The following FAM13A variants were observed in gnomAD, a reference collection of about 807,000 sequenced individuals.
FAM13A encodes protein FAM13A.
Under a neutral mutation model 129.6 loss-of-function variants are expected in FAM13A, and 76 were observed. That is an observed-to-expected ratio of 0.59 (90% CI 0.49 to 0.71). The LOEUF (loss-of-function observed/expected upper bound fraction) is 0.71, where lower values mean the gene tolerates loss of function less well. FAM13A is among the 30% of genes least tolerant of loss of function. The pLI, the probability that FAM13A is intolerant of heterozygous loss-of-function variation, is 0.00. For synonymous variants in FAM13A, 443 were observed against 449.9 expected, an observed-to-expected ratio of 0.98 and a Z score of 0.20; for missense variants, 1,108 against 1,249.3, an observed-to-expected ratio of 0.89 and a Z score of 1.70.
At chr4:88,799,371 C>A (rs1382774591) in intron 8 of FAM13A, among the ~76,000 whole-genome samples, 1 of 152,140 alleles carries the variant, frequency 6.6e-6, no homozygotes, top group East Asian at 1.9e-4. Context: ...CAAATTGGAA[C>A]TGTGTACTTT....
intron 4 of FAM13A, among the ~76,000 whole-genome samples, chr4:88,963,124 A>G (rs532808960): frequency 2.6e-5 from 4 of 152,078 alleles, no homozygotes; most frequent in Admixed American, 1.3e-4. Context: ...AACTAATGTT[A>G]CTTAAAAAAA....
chr4:88,790,295 T>G (rs1724861193), intron 9 of FAM13A, among the ~76,000 whole-genome samples: 1 of 152,114 alleles, frequency 6.6e-6, no homozygotes, highest in African/African-American at 2.4e-5. Flanking sequence ...CCAAAGTACA[T>G]TAGACTACTT....
chr4:88,838,700 C>T (rs1735267548), intron 7 of FAM13A, among the ~76,000 whole-genome samples: 1 of 150,926 alleles, frequency 6.6e-6, no homozygotes, highest in African/African-American at 2.4e-5. Flanking sequence ...GCACTCCAGC[C>T]TGGGCGACAG....
chr4:88,937,039 T>C (rs1753966691), intron 5 of FAM13A: 1 of 152,114 alleles, frequency 6.6e-6, no homozygotes, highest in Non-Finnish European at 1.5e-5. Flanking sequence ...TATTTTTTCT[T>C]GTGAATCACT....
At chr4:89,054,790 T>A (rs1171686258) in intron 1 of FAM13A, among the ~76,000 whole-genome samples, 1 of 152,192 alleles carries the variant, frequency 6.6e-6, no homozygotes, top group Non-Finnish European at 1.5e-5. Flanking sequence ...AGAGATTGGC[T>A]GGGAGACTTT....
At chr4:88,906,794 T>C (rs1181566422) in intron 5 of FAM13A, among the ~76,000 whole-genome samples, 1 of 152,218 alleles carries the variant, frequency 6.6e-6, no homozygotes, top group Non-Finnish European at 1.5e-5. Context: ...GAGAAGTGAA[T>C]AGTTAAATCT....
At chr4:88,866,654 T>A (rs1042441358) in intron 6 of FAM13A, among the ~76,000 whole-genome samples, 2 of 152,222 alleles carry the variant, frequency 1.3e-5, no homozygotes, top group African/African-American at 4.8e-5. Flanking sequence ...GAACATTTTA[T>A]ATTCCAATCA....
Position 88,952,309 on chromosome 4 carries a change from GT to G in FAM13A, c.606-14069del, listed in dbSNP as rs1311535060. Among the ~76,000 whole-genome samples, 7 of 151,948 alleles carry G rather than the reference GT, an allele frequency of 4.6e-5. No individual in the cohort carries two copies. In the East Asian group the frequency reaches 1.4e-3, roughly 29 times the overall value. ...CTTCACCGAGAGCTCAGCCTGTAAT[GT>G]TACTAAAAATAAAGAAAAACTTGCC... On this transcript the variant is annotated intron_variant, in intron 4 of 23. Transcript: ENST00000264344.
intron 4 of FAM13A, among the ~76,000 whole-genome samples, chr4:88,964,881 G>C (rs1168358341): frequency 6.6e-6 from 1 of 152,068 alleles, no homozygotes; most frequent in Non-Finnish European, 1.5e-5. Context: ...GTCCGCCTCG[G>C]CCTCCCAAAG....
At chr4:89,039,016 T>C (rs1769760453) in intron 1 of FAM13A, among the ~76,000 whole-genome samples, 1 of 152,242 alleles carries the variant, frequency 6.6e-6, no homozygotes, top group South Asian at 2.1e-4. Flanking sequence ...CTTCTCATCA[T>C]GTGCTCCTGA....
Position 88,800,113 on chromosome 4 carries a change from AC to A in FAM13A, c.1049+4897del, listed in dbSNP as rs1299135946. ...ACCCGGAGTAGTCAAATTCTTAAAG[AC>A]AGAGAGTGAAATGGTGGTTGCCAGG... On this transcript the variant is annotated intron_variant, in intron 8 of 23. Transcript: ENST00000264344. Among the ~76,000 whole-genome samples, 7 of 152,310 alleles carry A rather than the reference AC, an allele frequency of 4.6e-5. No individual in the cohort carries two copies. In the South Asian group the frequency reaches 8.3e-4, roughly 18 times the overall value.
intron 5 of FAM13A, among the ~76,000 whole-genome samples, chr4:88,921,386 G>A (rs1416246858): frequency 6.6e-6 from 1 of 152,170 alleles, no homozygotes; most frequent in Non-Finnish European, 1.5e-5. Context: ...AAGAGAGTGA[G>A]GGCCAATATT....
intron 7 of FAM13A, among the ~76,000 whole-genome samples, chr4:88,810,489 A>T (rs1381720445): frequency 4.6e-5 from 7 of 152,298 alleles, no homozygotes. Flanking sequence ...GCACCCAGGC[A>T]GAATATCATG....
chr4:88,933,791 C>A (rs1302584633), intron 5 of FAM13A, among the ~76,000 whole-genome samples: 5 of 152,176 alleles, frequency 3.3e-5, no homozygotes, highest in Non-Finnish European at 4.4e-5. Flanking sequence ...TGCCCTACTT[C>A]TGCCTATCCC....
chr4:88,727,102 C>G lies in FAM13A; in HGVS notation c.*1431G>C, dbSNP rs1025503073. The G allele has an allele frequency of 2.6e-5, 4 of 152,300 alleles. No individual in the cohort carries two copies. Among genetic ancestry groups the G allele is most frequent in the Admixed American group, 1.3e-4 (2 of 15,278 alleles). 9.4% of individuals were successfully genotyped at this position (152,300 alleles called of 1,614,324 possible). On this transcript the variant is annotated 3_prime_UTR_variant, in exon 24 of 24. Transcript: ENST00000264344. ...CTGTGCCCTTTCAGAAGGCAACTTT[C>G]AAAACATACGAGGGTGCCTCTGCTG...
chr4:88,781,369 G>A lies in FAM13A; in HGVS notation c.1272-18C>T. 2 of 1,544,926 alleles carry A rather than the reference G, an allele frequency of 1.3e-6. No homozygotes were observed. Among genetic ancestry groups the A allele is most frequent in the Non-Finnish European group, 1.8e-6 (2 of 1,135,600 alleles). ...TAAGTCCCCTTGAATTGAGAAAAAA[G>A]CTTAATTTTATTTTAAAAGATCAAA... On this transcript the variant is annotated intron_variant, in intron 10 of 23. Coordinates refer to ENST00000264344, the MANE Select transcript of FAM13A (RefSeq NM_014883.4).
chr4:88,738,960 C>T (rs1347309843), intron 20 of FAM13A, 70 bp downstream of exon 20: 1 of 913,962 alleles, frequency 1.1e-6, no homozygotes, highest in East Asian at 2.4e-5. Flanking sequence ...GGTTAGGGCC[C>T]TATTCATATA....
chr4:88,904,100 TA>T (rs1747760199), intron 6 of FAM13A, among the ~76,000 whole-genome samples: 1 of 152,062 alleles, frequency 6.6e-6, no homozygotes, highest in African/African-American at 2.4e-5. Flanking sequence ...TGGCTATTAT[TA>T]AAAAGTCAAG....
At chr4:88,871,981 G>A (rs145714202) in intron 6 of FAM13A, among the ~76,000 whole-genome samples, 2,167 of 152,208 alleles carry the variant, frequency 0.014, 63 homozygotes, top group African/African-American at 0.049. Flanking sequence ...AGAGAGTGGG[G>A]GCCAATATTC....
Sources: allele counts gnomAD v4.1 joint callset (sites outside exome capture counted in the v4.1 genomes callset), GRCh38; gene constraint gnomAD v4.1.1; transcripts MANE v1.5; gene names NCBI Gene and HGNC (gene_info 2026-07-23, HGNC 2026-07-21).